Variants in RIGI observed in about 807,000 individuals in gnomAD.
The protein encoded by RIGI is RNA sensor RIG-I, also known as antiviral innate immune response receptor RIG-I.
At chr9:32,514,750 C>T in the RIGI span, among the ~76,000 whole-genome samples, 1 of 152,144 alleles carries the variant, frequency 6.6e-6, no homozygotes, top group South Asian at 2.1e-4. Context: ...TTGACTATTG[C>T]ACTTACCTTT....
At chr9:32,501,338 A>G in the RIGI span, among the ~76,000 whole-genome samples, 1 of 148,208 alleles carries the variant, frequency 6.7e-6, no homozygotes, top group East Asian at 2.0e-4. Context: ...AAAAAAAAAA[A>G]AAAAAAAATT....
At chr9:32,506,413 A>G in the RIGI span, among the ~76,000 whole-genome samples, 3 of 152,184 alleles carry the variant, frequency 2.0e-5, no homozygotes, top group African/African-American at 7.2e-5. Context: ...AAAACAGACC[A>G]AACAAACAAA....
chr9:32,493,836 G>C, the RIGI span: 1 of 1,610,686 alleles, frequency 6.2e-7, no homozygotes, highest in South Asian at 1.1e-5. Flanking sequence ...GGATAATTCT[G>C]GTTTTAAATT....
the RIGI span, among the ~76,000 whole-genome samples, chr9:32,517,595 G>A: frequency 2.3e-4 from 35 of 152,156 alleles, no homozygotes; most frequent in East Asian, 5.4e-3. Flanking sequence ...TTTTGTCTCG[G>A]CTTTATATTT....
At chr9:32,485,829 G>A in the RIGI span, among the ~76,000 whole-genome samples, 4 of 151,800 alleles carry the variant, frequency 2.6e-5, no homozygotes, top group South Asian at 4.2e-4. Flanking sequence ...GTGATCCACC[G>A]CACCCGGCCT....
the RIGI span, among the ~76,000 whole-genome samples, chr9:32,496,950 A>G: frequency 6.6e-6 from 1 of 152,292 alleles, no homozygotes; most frequent in Admixed American, 6.5e-5. Flanking sequence ...TTTGATTGCT[A>G]CAGATGTGTA....
At chr9:32,461,476 T>G in the RIGI span, among the ~76,000 whole-genome samples, 2 of 152,182 alleles carry the variant, frequency 1.3e-5, no homozygotes, top group African/African-American at 4.8e-5. Context: ...CCCAGGTGGA[T>G]CCAGACAGCC....
At chr9:32,497,737 C>T in the RIGI span, among the ~76,000 whole-genome samples, 170 of 151,980 alleles carry the variant, frequency 1.1e-3, 3 homozygotes, top group African/African-American at 3.8e-3. Context: ...GGCGACAGAG[C>T]GAGACTCCGT....
At chr9:32,480,484 T>C in the RIGI span, 2 of 882,986 alleles carry the variant, frequency 2.3e-6, no homozygotes, top group Admixed American at 3.4e-5. Context: ...CCAACTTAGC[T>C]TTTTAAAGAT....
chr9:32,476,366 GCAGA>G, the RIGI span, among the ~76,000 whole-genome samples: 12 of 152,058 alleles, frequency 7.9e-5, no homozygotes, highest in South Asian at 4.1e-4. Flanking sequence ...GGGCATGGTG[GCAGA>G]TGACTGTAGT....
At chr9:32,522,787 G>T in the RIGI span, among the ~76,000 whole-genome samples, 1 of 152,156 alleles carries the variant, frequency 6.6e-6, no homozygotes, top group East Asian at 1.9e-4. Context: ...TTGAGGATCA[G>T]ATTCCCCATG....
the RIGI span, chr9:32,501,034 G>A: frequency 7.0e-7 from 1 of 1,424,580 alleles, no homozygotes; most frequent in Non-Finnish European, 9.6e-7. Context: ...CCCAAATAGG[G>A]ACAGGAATTG....
At chr9:32,489,730 G>T in the RIGI span, among the ~76,000 whole-genome samples, 2 of 151,940 alleles carry the variant, frequency 1.3e-5, no homozygotes, top group South Asian at 4.2e-4. Context: ...AGAAAGAATG[G>T]CCCCATTCAG....
chr9:32,507,572 A>G, the RIGI span, among the ~76,000 whole-genome samples: 2 of 152,062 alleles, frequency 1.3e-5, no homozygotes, highest in African/African-American at 4.8e-5. Context: ...CACTAGTGCA[A>G]TTTAAGTATA....
At chr9:32,464,317 C>G in the RIGI span, among the ~76,000 whole-genome samples, 1 of 152,124 alleles carries the variant, frequency 6.6e-6, no homozygotes, top group Non-Finnish European at 1.5e-5. Context: ...GGGGGCTCAC[C>G]CCTAGAACCA....
the RIGI span, chr9:32,480,190 T>G: frequency 2.3e-5 from 37 of 1,576,144 alleles, no homozygotes; most frequent in Non-Finnish European, 3.0e-5. Flanking sequence ...AATGCTACTG[T>G]GGCTTCCTCC....
chr9:32,519,277 T>C, the RIGI span, among the ~76,000 whole-genome samples: 1 of 152,206 alleles, frequency 6.6e-6, no homozygotes, highest in East Asian at 1.9e-4. Context: ...TAGTTTCTAA[T>C]GTAAGGAAGG....
the RIGI span, among the ~76,000 whole-genome samples, chr9:32,513,160 G>T: frequency 6.6e-6 from 1 of 151,814 alleles, no homozygotes; most frequent in Non-Finnish European, 1.5e-5. Context: ...GTAATTTATA[G>T]ATTCAATGCC....
the RIGI span, among the ~76,000 whole-genome samples, chr9:32,524,002 A>G: frequency 2.0e-5 from 3 of 151,958 alleles, no homozygotes; most frequent in Admixed American, 1.3e-4. Flanking sequence ...ACTGCAATTT[A>G]TTGTCTCCTT....
Sources: gnomAD v4.1 joint callset for allele counts (sites outside exome capture counted in the v4.1 genomes callset) on GRCh38, gnomAD v4.1.1 for gene constraint, MANE v1.5 for transcripts, NCBI Gene and HGNC (gene_info 2026-07-23, HGNC 2026-07-21) for gene names.